Variants in TMEM131L observed in about 807,000 individuals in gnomAD.
The protein encoded by TMEM131L is transmembrane protein 131-like.
In TMEM131L, 54 loss-of-function variants were observed where a neutral mutation model predicts 192.2. The ratio of observed to expected loss-of-function variants is 0.28; its 90% CI spans 0.23 to 0.35. The LOEUF (loss-of-function observed/expected upper bound fraction) is 0.35, where lower values mean the gene tolerates loss of function less well. Among genes scored for constraint, TMEM131L ranks in the 10% least tolerant of loss-of-function variants. TMEM131L has a pLI of 1.00. For missense variants in TMEM131L, 1,888 were observed against 1,972.9 expected (o/e 0.96, Z 0.82); for synonymous variants, 701 against 704.9 (o/e 0.99, Z 0.09).
chr4:153,486,682 G>A (rs4696464), intron 3 of TMEM131L, among the ~76,000 whole-genome samples: 10,155 of 152,264 alleles, frequency 0.067, 686 homozygotes, highest in East Asian at 0.23. Context: ...CAGGTTAAAA[G>A]AACCCCTGGC....
chr4:153,636,174 A>T, intron 34 of TMEM131L, 127 bp from the exon 35 acceptor site: 1 of 945,020 alleles, frequency 1.1e-6, no homozygotes, highest in Non-Finnish European at 1.6e-6. Context: ...ACCCAGATTT[A>T]AATTGAGAGT....
At chr4:153,518,866 G>A (rs190878474) in intron 3 of TMEM131L, among the ~76,000 whole-genome samples, 1 of 152,242 alleles carries the variant, frequency 6.6e-6, no homozygotes, top group Non-Finnish European at 1.5e-5. Context: ...TATCCTAACG[G>A]TGCCTGCCCT....
At chr4:153,530,908 G>C (rs1735853137) in intron 3 of TMEM131L, among the ~76,000 whole-genome samples, 1 of 152,308 alleles carries the variant, frequency 6.6e-6, no homozygotes, top group African/African-American at 2.4e-5. Flanking sequence ...GCCCGGCATA[G>C]AGCCTGCTCC....
In TMEM131L at chr4:153,555,991, T is replaced by G; in HGVS notation, c.432+81T>G. 1 of 1,416,186 alleles carries G rather than the reference T, an allele frequency of 7.1e-7. No individual in the cohort carries two copies. Among genetic ancestry groups the G allele is most frequent in the African/African-American group, 1.4e-5 (1 of 69,580 alleles). The allele number at this position is 1,416,186 out of a possible 1,614,324, so 87.7% of individuals were successfully genotyped here. ...GCTTTCTTTGGCCTGAAGTTTTTAC[T>G]TTCTGCTCCCTGTCTCCCGCTTTTT... On this transcript the variant is annotated intron_variant, in intron 5 of 34. Coordinates refer to ENST00000409959, the MANE Select transcript of TMEM131L (RefSeq NM_001131007.2). The surrounding 1 kb of genome is among the most constrained non-coding windows in gnomAD (Gnocchi z 4.1).
chr4:153,503,595 G>A (rs1733757263), intron 3 of TMEM131L, among the ~76,000 whole-genome samples: 1 of 152,142 alleles, frequency 6.6e-6, no homozygotes, highest in African/African-American at 2.4e-5. Flanking sequence ...TTAAATTAAT[G>A]CCTTCATTTC....
At chr4:153,622,063 C>T (rs116735221) in intron 28 of TMEM131L, among the ~76,000 whole-genome samples, 5,285 of 152,290 alleles carry the variant, frequency 0.035, 157 homozygotes, top group Admixed American at 0.096. Context: ...CCCCAGCCCC[C>T]CAGTCTGGCC....
At chr4:153,632,476 TTTG>T (rs948538383) in intron 31 of TMEM131L, 1 of 483,678 alleles carries the variant, frequency 2.1e-6, no homozygotes, top group Non-Finnish European at 3.7e-6. Context: ...TCCTCAAATA[TTTG>T]TTATGTGAGT....
intron 3 of TMEM131L, among the ~76,000 whole-genome samples, chr4:153,527,461 G>A (rs145375361): frequency 1.8e-3 from 268 of 152,228 alleles, no homozygotes; most frequent in South Asian, 6.8e-3. Flanking sequence ...CTTTGGTAGA[G>A]ACAGGGTTTC....
chr4:153,523,154 A>G (rs1735235049), intron 3 of TMEM131L, among the ~76,000 whole-genome samples: 1 of 152,206 alleles, frequency 6.6e-6, no homozygotes, highest in South Asian at 2.1e-4. Flanking sequence ...TGCCCTTAGA[A>G]TTTTATGTTA....
intron 3 of TMEM131L, among the ~76,000 whole-genome samples, chr4:153,504,807 A>AT (rs1733876809): frequency 6.6e-6 from 1 of 152,310 alleles, no homozygotes; most frequent in South Asian, 2.1e-4. Flanking sequence ...AATCCTTGAC[A>AT]TTTTGCTTCT....
intron 25 of TMEM131L, among the ~76,000 whole-genome samples, chr4:153,610,928 T>C (rs985255659): frequency 2.0e-5 from 3 of 152,204 alleles, no homozygotes; most frequent in Admixed American, 6.5e-5. Flanking sequence ...TAGGGATTCT[T>C]AGTTCAAGAA....
chr4:153,528,905 C>T (rs374483160), intron 3 of TMEM131L, among the ~76,000 whole-genome samples: 1 of 152,110 alleles, frequency 6.6e-6, no homozygotes, highest in African/African-American at 2.4e-5. Context: ...GTGGGTCACA[C>T]CAGTCTTTGA....
rs1737708775 is a variant in TMEM131L at position 153,552,592 on chromosome 4, A to G, written c.308+2451A>G. ...ATGCCTGTAATCCCAGCACTTTGGG[A>G]GACTGAGGCAGGAGGATCACTTGAG... On this transcript the variant is annotated intron_variant, in intron 4 of 34. Transcript: ENST00000409959. Among the ~76,000 whole-genome samples the G allele has an allele frequency of 3.9e-5, 6 of 152,300 alleles. 1 individual carries two copies. The South Asian group carries it at 1.2e-3, about 32-fold the overall frequency.
intron 3 of TMEM131L, among the ~76,000 whole-genome samples, chr4:153,525,999 G>T (rs1309658610): frequency 6.6e-6 from 1 of 152,094 alleles, no homozygotes. Flanking sequence ...TGGGACTACA[G>T]GCACGCACTA....
chr4:153,565,831 C>T (rs555952210), intron 7 of TMEM131L, among the ~76,000 whole-genome samples: 37 of 152,046 alleles, frequency 2.4e-4, no homozygotes, highest in African/African-American at 5.1e-4. Context: ...AATTAGACTG[C>T]GATTGTAACT....
intron 26 of TMEM131L, among the ~76,000 whole-genome samples, chr4:153,617,427 A>G (rs1186554454): frequency 3.3e-5 from 5 of 152,214 alleles, no homozygotes; most frequent in African/African-American, 1.2e-4. Flanking sequence ...GTTGGTAACA[A>G]TTTGTTCACA....
chr4:153,474,960 G>A (rs1374861265), intron 3 of TMEM131L, among the ~76,000 whole-genome samples: 4 of 151,800 alleles, frequency 2.6e-5, no homozygotes, highest in African/African-American at 7.3e-5. Context: ...GTATAAGTGG[G>A]AGGATAACTT....
intron 29 of TMEM131L, among the ~76,000 whole-genome samples, chr4:153,625,517 T>C (rs1733778101): frequency 6.6e-6 from 1 of 152,180 alleles, no homozygotes; most frequent in Non-Finnish European, 1.5e-5. Context: ...TAGTATGCAG[T>C]CTTCAAGTTG....
intron 29 of TMEM131L, among the ~76,000 whole-genome samples, chr4:153,624,403 G>A (rs1372475118): frequency 6.6e-6 from 1 of 152,240 alleles, no homozygotes; most frequent in African/African-American, 2.4e-5. Flanking sequence ...ACAGGCGTGG[G>A]CCACTGCGCC....
Sources: gnomAD v4.1 joint callset for allele counts (sites outside exome capture counted in the v4.1 genomes callset) on GRCh38, gnomAD v4.1.1 for gene constraint, Gnocchi (gnomAD v3.1) non-coding constraint, MANE v1.5 for transcripts, NCBI Gene and HGNC (gene_info 2026-07-23, HGNC 2026-07-21) for gene names.